PURG: variants seen among roughly 807,000 people sequenced by gnomAD.
PURG encodes purine-rich element-binding protein gamma.
In PURG, 3 loss-of-function variants were observed where a neutral mutation model predicts 24.3. That is an observed-to-expected ratio of 0.12 (90% CI 0.06 to 0.32). The LOEUF is 0.32. Ranked by LOEUF, PURG falls within the 10% of genes least tolerant of loss-of-function variation. The pLI is 1.00. For synonymous variants in PURG, 180 were observed against 173.1 expected (o/e 1.04, Z -0.31); for missense variants, 371 against 439.1 (o/e 0.84, Z 1.39).
exon 2 of PURG, chr8:30,996,528 G>T: frequency 8.0e-7 from 1 of 1,253,566 alleles, no homozygotes; most frequent in South Asian, 1.3e-5. Flanking sequence ...CATTCATGAT[G>T]AACTTCAGTT....
chr8:31,004,251 A>G (rs1810599761), intron 1 of PURG, among the ~76,000 whole-genome samples: 1 of 152,254 alleles, frequency 6.6e-6, no homozygotes, highest in South Asian at 2.1e-4. Context: ...TTGGAATTAC[A>G]GATCAAAATG....
intron 1 of PURG, among the ~76,000 whole-genome samples, chr8:31,020,482 A>G (rs934147977): frequency 2.6e-5 from 4 of 152,238 alleles, no homozygotes; most frequent in African/African-American, 9.6e-5. Context: ...TACTATAATT[A>G]CAAAATAAAT....
rs1811071901 is a variant in PURG, at chr8:31,025,413, A to G, written c.864+6506T>C. Among the ~76,000 whole-genome samples the G allele has an allele frequency of 2.0e-5, 3 of 151,944 alleles. 1 individual carries two copies. The highest frequency in any genetic ancestry group is 4.4e-5 in the Non-Finnish European group (3 of 67,856). On this transcript the variant is annotated intron_variant, in intron 1 of 1. Transcript: ENST00000339382. ...TAACAACACCTCTTTCATTTTGTAA[A>G]CAGGACATTATGCTACCAAATATAG...
intron 1 of PURG, among the ~76,000 whole-genome samples, chr8:31,014,852 TA>T (rs1012203790): frequency 1.3e-5 from 2 of 152,066 alleles, no homozygotes; most frequent in Admixed American, 1.3e-4. Flanking sequence ...CCAGGAAGCA[TA>T]AAGTGAGATC....
At chr8:31,007,488 G>A (rs1461466912) in intron 1 of PURG, among the ~76,000 whole-genome samples, 1 of 152,142 alleles carries the variant, frequency 6.6e-6, no homozygotes, top group African/African-American at 2.4e-5. Context: ...CGAGTTGAAG[G>A]ATAAAAACAA....
At chr8:31,029,628 A>G (rs1811152972), downstream of PURG, among the ~76,000 whole-genome samples, 1 of 151,770 alleles carries the variant, frequency 6.6e-6, no homozygotes, top group African/African-American at 2.4e-5. Flanking sequence ...ACTTTAAGAG[A>G]GTGTATACAC....
At chr8:31,015,031 C>A (rs1259979414) in intron 1 of PURG, among the ~76,000 whole-genome samples, 2 of 152,166 alleles carry the variant, frequency 1.3e-5, no homozygotes, top group South Asian at 2.1e-4. Flanking sequence ...AGGAGATAAG[C>A]TTTATACTTG....
At chr8:31,025,440 G>A (rs992421097) in intron 1 of PURG, among the ~76,000 whole-genome samples, 1 of 151,760 alleles carries the variant, frequency 6.6e-6, no homozygotes, top group African/African-American at 2.4e-5. Context: ...CAAATATAGA[G>A]TTATTATTCT....
At chr8:31,000,409 CAG>C (rs1436773681) in intron 1 of PURG, among the ~76,000 whole-genome samples, 1 of 152,088 alleles carries the variant, frequency 6.6e-6, no homozygotes. Context: ...ATGGAATGCA[CAG>C]AAAGTTAAAT....
chr8:31,010,111 T>A (rs1388261058), intron 1 of PURG, among the ~76,000 whole-genome samples: 2 of 151,932 alleles, frequency 1.3e-5, no homozygotes, highest in South Asian at 4.2e-4. Flanking sequence ...AAATAAAAAA[T>A]AAAAAAATAA....
Position 31,032,423 on chromosome 8 carries a change from C to T in PURG, c.360G>A (p.Gly120=). The part of the protein sequence containing the change: ...SVAAELKDCL[G]DFIEHYAHLG... Reference sequence around the variant, plus strand: ...GGTGGGCATAGTGCTCGATGAAGTCCCCTAGACAGTCCTTCAGCTCCGCTG... The same window carrying T: ...GGTGGGCATAGTGCTCGATGAAGTCTCCTAGACAGTCCTTCAGCTCCGCTG... The change falls in exon 2 of 2, where the codon GGG becomes GGA. Residue 120 remains glycine (G), a synonymous_variant. Coordinates refer to ENST00000523392, the MANE Select transcript of PURG (RefSeq NM_001323311.2). This position sits in a 1 kb window ranked among gnomAD's most constrained non-coding sequence, Gnocchi z 5.9. 1 of 1,614,088 alleles carries T rather than the reference C, an allele frequency of 6.2e-7. No homozygotes were observed. The highest frequency in any genetic ancestry group is 8.5e-7 in the Non-Finnish European group (1 of 1,180,046).
At chr8:30,998,024 G>C (rs1585349586) in intron 1 of PURG, among the ~76,000 whole-genome samples, 2 of 151,698 alleles carry the variant, frequency 1.3e-5, no homozygotes, top group Non-Finnish European at 3.0e-5. Context: ...TAATGGACTG[G>C]CTTAATAATT....
At chr8:31,012,012 G>A (rs1166429686) in intron 1 of PURG, among the ~76,000 whole-genome samples, 1 of 152,262 alleles carries the variant, frequency 6.6e-6, no homozygotes, top group East Asian at 1.9e-4. Context: ...TCGCCATTTA[G>A]ATTTGTCTGT....
In PURG at chr8:31,031,807, T is replaced by G. The variant is rs1278800688; in HGVS notation, c.976A>C (p.Asn326His). Residue 326 changes from asparagine to histidine, a missense_variant, in exon 2 of 2, where the codon AAC becomes CAC. Transcript: ENST00000523392. The stretch of plus-strand genomic sequence containing the variant: ...TCCATTCTCTTTTCTTTATGGCTGT[T>G]GCAAATTTTCCTCATCTCTTCTTCA... Reference protein sequence around the residue: ...KYEEEMRKICNSHKEKRMDGR... With the variant: ...KYEEEMRKICHSHKEKRMDGR... 7.7e-6 allele frequency: 12 copies of G among 1,558,678 alleles called. No individual in the cohort carries two copies. Among genetic ancestry groups the G allele is most frequent in the Non-Finnish European group, 1.0e-5 (12 of 1,150,484 alleles).
At chr8:31,023,149 A>T (rs1401386072) in intron 1 of PURG, among the ~76,000 whole-genome samples, 1 of 152,230 alleles carries the variant, frequency 6.6e-6, no homozygotes, top group African/African-American at 2.4e-5. Context: ...TTTTGAGAAG[A>T]GGGAGGAGAA....
chr8:31,028,704 T>C (rs1811134553), downstream of PURG, among the ~76,000 whole-genome samples: 3 of 151,834 alleles, frequency 2.0e-5, no homozygotes, highest in Admixed American at 6.6e-5. Context: ...TTATAATACA[T>C]TGCATCTTTT....
chr8:31,000,060 CAAT>C (rs1409096458), intron 1 of PURG, among the ~76,000 whole-genome samples: 1 of 151,984 alleles, frequency 6.6e-6, no homozygotes, highest in Non-Finnish European at 1.5e-5. Context: ...ACTGAAATGA[CAAT>C]ATATGTAACA....
chr8:31,025,507 C>T (rs1032966094), intron 1 of PURG, among the ~76,000 whole-genome samples: 8 of 151,862 alleles, frequency 5.3e-5, no homozygotes, highest in Non-Finnish European at 7.4e-5. Context: ...ATAAAATTCA[C>T]GGATACCAAT....
At chr8:31,029,457 T>A (rs975086297), downstream of PURG, among the ~76,000 whole-genome samples, 1 of 151,770 alleles carries the variant, frequency 6.6e-6, no homozygotes, top group African/African-American at 2.4e-5. Context: ...AAGTCTGACA[T>A]GGTATTGTAT....
Sources: gnomAD v4.1 joint callset for allele counts (sites outside exome capture counted in the v4.1 genomes callset) on GRCh38, gnomAD v4.1.1 for gene constraint, Gnocchi (gnomAD v3.1) non-coding constraint, MANE v1.5 for transcripts, NCBI Gene and HGNC (gene_info 2026-07-23, HGNC 2026-07-21) for gene names.